SGCZ: variants seen among roughly 807,000 people sequenced by gnomAD.
The protein encoded by SGCZ is zeta-sarcoglycan.
A neutral mutation model predicts 41.3 loss-of-function variants in SGCZ; 40 were observed. The observed-to-expected ratio is 0.97, with a 90% CI of 0.75 to 1.26. The LOEUF is 1.26. Among genes scored for constraint, SGCZ ranks in the 50% most tolerant of loss-of-function variants. SGCZ has a pLI of 0.00. For missense variants in SGCZ, 552 were observed against 369.8 expected (o/e 1.49, Z -4.04); for synonymous variants, 206 against 137.5 (o/e 1.50, Z -3.49).
intron 1 of SGCZ, among the ~76,000 whole-genome samples, chr8:14,584,469 G>C (rs577161335): frequency 6.6e-6 from 1 of 152,100 alleles, no homozygotes; most frequent in African/African-American, 2.4e-5. Context: ...GGAGGAATTT[G>C]AGCTAGTGAC....
intron 1 of SGCZ, among the ~76,000 whole-genome samples, chr8:14,660,021 C>G (rs1258373165): frequency 6.6e-6 from 1 of 152,088 alleles, no homozygotes. Flanking sequence ...CTACCAGGAG[C>G]TAAGAGAGAA....
chr8:14,663,283 C>T (rs936326812), intron 1 of SGCZ, among the ~76,000 whole-genome samples: 1 of 152,154 alleles, frequency 6.6e-6, no homozygotes, highest in Non-Finnish European at 1.5e-5. Flanking sequence ...TTATTAGCAT[C>T]CCATAATAAA....
intron 1 of SGCZ, among the ~76,000 whole-genome samples, chr8:14,636,614 A>T (rs1806836239): frequency 6.6e-6 from 1 of 151,894 alleles, no homozygotes; most frequent in Non-Finnish European, 1.5e-5. Context: ...TTTTGGTTTC[A>T]GGTGTCATTG....
chr8:15,097,856 ACG>A (rs1491343600), intron 1 of SGCZ, among the ~76,000 whole-genome samples: 175 of 5,916 alleles, frequency 0.03, 1 homozygote, highest in East Asian at 0.15. Flanking sequence ...ATATATATAT[ACG>A]TGTGTGTGTA....
chr8:15,091,242 A>C (rs1806145321), intron 1 of SGCZ, among the ~76,000 whole-genome samples: 1 of 152,138 alleles, frequency 6.6e-6, no homozygotes, highest in Non-Finnish European at 1.5e-5. Context: ...GCTGGCCTGC[A>C]ACTCTGGGCT....
At chr8:15,172,154 GTTTTTTTTT>G (rs1183210302) in intron 1 of SGCZ, among the ~76,000 whole-genome samples, 2 of 71,766 alleles carry the variant, frequency 2.8e-5, no homozygotes, top group East Asian at 4.0e-4. Flanking sequence ...TTTATACTCT[GTTTTTTTTT>G]TTTTTTTTTT....
intron 1 of SGCZ, among the ~76,000 whole-genome samples, chr8:14,621,196 C>A (rs1260498042): frequency 6.7e-6 from 1 of 149,462 alleles, no homozygotes; most frequent in Non-Finnish European, 1.5e-5. Flanking sequence ...GGACAAAAAA[C>A]CAAAACCGCA....
chr8:15,178,299 C>A (rs1316257068), intron 1 of SGCZ, among the ~76,000 whole-genome samples: 1 of 151,686 alleles, frequency 6.6e-6, no homozygotes, highest in Non-Finnish European at 1.5e-5. Context: ...TTTGTTTTAC[C>A]AATCACCTAA....
chr8:14,447,470 A>T (rs1800465412), intron 2 of SGCZ, among the ~76,000 whole-genome samples: 2 of 152,192 alleles, frequency 1.3e-5, no homozygotes, highest in Non-Finnish European at 2.9e-5. Context: ...GAGAAAATTA[A>T]ATCACTAATA....
intron 1 of SGCZ, among the ~76,000 whole-genome samples, chr8:14,929,737 G>A (rs900457959): frequency 2.6e-5 from 4 of 151,912 alleles, no homozygotes; most frequent in African/African-American, 9.7e-5. Context: ...TATGAATGCA[G>A]GTTTTCATGG....
rs551221862 is a variant in SGCZ, at chr8:14,906,047, T to C, written c.39+331538A>G. Among the ~76,000 whole-genome samples, 8 of 152,230 alleles carry C rather than the reference T, an allele frequency of 5.3e-5. No homozygotes were observed. In the South Asian group the frequency reaches 1.0e-3, roughly 20 times the overall value. On this transcript the variant is annotated intron_variant, in intron 1 of 7. Transcript: ENST00000382080. ...TATCAAAAGCCAAAAGAAAGGCTTT[T>C]CAAAGATTGATGCTGATATTGTGCC...
At chr8:14,742,238 T>G (rs1289273817) in intron 1 of SGCZ, among the ~76,000 whole-genome samples, 2 of 152,036 alleles carry the variant, frequency 1.3e-5, no homozygotes. Context: ...ATTTAAACAC[T>G]GACAACACAG....
chr8:14,593,848 G>A, intron 1 of SGCZ, among the ~76,000 whole-genome samples: 1 of 152,094 alleles, frequency 6.6e-6, no homozygotes, highest in South Asian at 2.1e-4. Flanking sequence ...AGACTTGGGT[G>A]TGTATCAGAA....
intron 1 of SGCZ, among the ~76,000 whole-genome samples, chr8:14,692,109 A>G (rs981719150): frequency 6.6e-6 from 1 of 152,024 alleles, no homozygotes; most frequent in Non-Finnish European, 1.5e-5. Flanking sequence ...GTGAAAAACT[A>G]TAATTAAGAA....
intron 4 of SGCZ, among the ~76,000 whole-genome samples, chr8:14,205,269 C>A (rs993600658): frequency 6.6e-6 from 1 of 152,020 alleles, no homozygotes; most frequent in African/African-American, 2.4e-5. Flanking sequence ...GAAATAGACT[C>A]CCCCTCAACA....
intron 1 of SGCZ, among the ~76,000 whole-genome samples, chr8:14,728,931 T>A (rs959916260): frequency 6.6e-6 from 1 of 152,206 alleles, no homozygotes; most frequent in Admixed American, 6.5e-5. Context: ...TTAAACATTA[T>A]CATGTAAATC....
At chr8:14,697,062 T>G (rs1168658487) in intron 1 of SGCZ, among the ~76,000 whole-genome samples, 3 of 152,032 alleles carry the variant, frequency 2.0e-5, no homozygotes, top group Non-Finnish European at 2.9e-5. Context: ...CTATCCAATA[T>G]TCTATAGCCA....
At chr8:14,994,656 G>A (rs1010200564) in intron 1 of SGCZ, among the ~76,000 whole-genome samples, 1 of 151,748 alleles carries the variant, frequency 6.6e-6, no homozygotes, top group African/African-American at 2.4e-5. Flanking sequence ...AGGGGCGTGT[G>A]TGTATGTGTG....
chr8:14,234,409 T>A (rs1156851677), intron 4 of SGCZ, among the ~76,000 whole-genome samples: 2 of 152,002 alleles, frequency 1.3e-5, no homozygotes, highest in Non-Finnish European at 2.9e-5. Flanking sequence ...TGAAACTACT[T>A]ACATATATTT....
Sources: gnomAD v4.1 joint callset for allele counts (sites outside exome capture counted in the v4.1 genomes callset) on GRCh38, gnomAD v4.1.1 for gene constraint, MANE v1.5 for transcripts, NCBI Gene and HGNC (gene_info 2026-07-23, HGNC 2026-07-21) for gene names.